Variants in RALY observed in about 807,000 individuals in gnomAD.
The protein encoded by RALY is RALY heterogeneous nuclear ribonucleoprotein.
In RALY, 15 loss-of-function variants were observed where a neutral mutation model predicts 30.7. The observed-to-expected ratio is 0.49, with a 90% confidence interval of 0.33 to 0.75. RALY has a LOEUF of 0.75. Among genes scored for constraint, RALY ranks in the 30% least tolerant of loss-of-function variants. The pLI is 0.02. For missense variants in RALY, 339 were observed against 414.3 expected, an observed-to-expected ratio of 0.82 and a Z score of 1.58; for synonymous variants, 177 against 170.8, an observed-to-expected ratio of 1.04 and a Z score of -0.28.
intron 9 of RALY, 87 bp downstream of exon 9, chr20:34,078,640 C>A: frequency 7.7e-7 from 1 of 1,306,228 alleles, no homozygotes; most frequent in South Asian, 1.8e-5. Flanking sequence ...CAGGAAGTGT[C>A]ACGAAGCATA....
In RALY at chr20:34,072,929, AGTGTGTGTGTGTGT is replaced by A. The variant is rs3835232; in HGVS notation, c.257-616_257-603del. The stretch of plus-strand genomic sequence containing the variant: ...ACACAACCCTTGTATGTATAGATGT[AGTGTGTGTGTGTGT>A]GTGTGTGTGTGTGTGTGAGAGAGAG... On this transcript the variant is annotated intron_variant, in intron 3 of 9. Transcript: ENST00000246194. 2.7e-5 allele frequency among the ~76,000 whole-genome samples: 4 copies of A among 149,116 alleles called. No individual in the cohort carries two copies. In the South Asian group the frequency reaches 6.3e-4, roughly 24 times the overall value.
In RALY at chr20:34,083,919, C is replaced by T. The variant is rs1021223381; in HGVS notation, c.*4014C>T. ...CAAATCAAAATCCCTCCACCAGTAG[C>T]CAGATTCTTCATAATAAACTTCCTC... On this transcript the variant is annotated 3_prime_UTR_variant, in exon 10 of 10. Transcript: ENST00000246194. The T allele has an allele frequency of 6.6e-5, 10 of 152,208 alleles. No individual in the cohort carries two copies. Among genetic ancestry groups the T allele is most frequent in the African/African-American group, 2.4e-4 (10 of 41,452 alleles). 9.4% of individuals were successfully genotyped at this position (152,208 alleles called of 1,614,324 possible).
intron 2 of RALY, among the ~76,000 whole-genome samples, chr20:34,057,666 C>CAAAAAAA: frequency 1.5e-5 from 1 of 67,358 alleles, no homozygotes; most frequent in Non-Finnish European, 2.9e-5. Flanking sequence ...GACTCCGTCT[C>CAAAAAAA]AAAAAAAAAA....
intron 2 of RALY, among the ~76,000 whole-genome samples, chr20:34,035,791 A>G (rs1645596851): frequency 2.0e-5 from 3 of 152,250 alleles, no homozygotes; most frequent in African/African-American, 7.2e-5. Context: ...GAAAGCAGAT[A>G]AATGAATAAA....
chr20:34,012,532 A>G lies in RALY; in HGVS notation c.-93+18401A>G, dbSNP rs1249460747. On this transcript the variant is annotated intron_variant, in intron 1 of 9. Transcript: ENST00000246194. ...TCTTCTGCATCCTCCCCCACCCGCC[A>G]TCCTTTGTTTTTTTCCTCACTGTTG... Among the ~76,000 whole-genome samples, 4 of 151,326 alleles carry G rather than the reference A, an allele frequency of 2.6e-5. No individual in the cohort carries two copies. The East Asian group carries it at 5.8e-4, about 22-fold the overall frequency.
chr20:33,996,949 A>G lies in RALY; in HGVS notation c.-93+2818A>G, dbSNP rs73606207. ...TAGTCTCAGAGTGCATTGTAAATGCAAAATTATTAGTCCTCACCTGCAGCA... is the reference window on the plus strand; with the variant it reads ...TAGTCTCAGAGTGCATTGTAAATGCGAAATTATTAGTCCTCACCTGCAGCA... On this transcript the variant is annotated intron_variant, in intron 1 of 9. Transcript: ENST00000246194. 1.6e-4 allele frequency among the ~76,000 whole-genome samples: 25 copies of G among 152,312 alleles called. No individual in the cohort carries two copies. The East Asian group carries it at 4.8e-3, about 29-fold the overall frequency.
intron 1 of RALY, among the ~76,000 whole-genome samples, chr20:34,015,520 G>C (rs1367375223): frequency 6.6e-6 from 1 of 151,814 alleles, no homozygotes; most frequent in Non-Finnish European, 1.5e-5. Flanking sequence ...ACCTCCCCTT[G>C]TGAAGCTGAG....
intron 1 of RALY, among the ~76,000 whole-genome samples, chr20:34,020,164 G>A (rs1304699484): frequency 6.6e-6 from 1 of 152,132 alleles, no homozygotes; most frequent in Admixed American, 6.5e-5. Context: ...CAGTAAATTA[G>A]ATAGGCATGT....
At chr20:34,053,263 T>A (rs2123182302) in intron 2 of RALY, among the ~76,000 whole-genome samples, 1 of 151,998 alleles carries the variant, frequency 6.6e-6, no homozygotes, top group South Asian at 2.1e-4. Flanking sequence ...CCATGTATCA[T>A]ATGAGGACGT....
chr20:34,079,115 CGTAT>C (rs2033974846), intron 9 of RALY, among the ~76,000 whole-genome samples: 2 of 152,088 alleles, frequency 1.3e-5, no homozygotes, highest in African/African-American at 4.8e-5. Flanking sequence ...TGTGAAGGGC[CGTAT>C]GTGTCAGGCT....
chr20:34,022,395 G>T (rs916899870), intron 1 of RALY, among the ~76,000 whole-genome samples: 2 of 152,106 alleles, frequency 1.3e-5, no homozygotes, highest in African/African-American at 4.8e-5. Flanking sequence ...CAAAGCAGCT[G>T]ATGTTGTGGG....
chr20:34,078,867 A>G (rs889853815), intron 9 of RALY, among the ~76,000 whole-genome samples: 1 of 152,198 alleles, frequency 6.6e-6, no homozygotes, highest in Non-Finnish European at 1.5e-5. Context: ...AGAGGAAGAC[A>G]TAAGCCATTA....
At chr20:34,015,856 C>T (rs536927473) in intron 1 of RALY, among the ~76,000 whole-genome samples, 2 of 152,234 alleles carry the variant, frequency 1.3e-5, no homozygotes, top group Admixed American at 1.3e-4. Flanking sequence ...CACACACACA[C>T]ACACACACAA....
chr20:34,051,255 C>CT (rs1213866989), intron 2 of RALY, among the ~76,000 whole-genome samples: 5 of 152,264 alleles, frequency 3.3e-5, no homozygotes, highest in South Asian at 2.1e-4. Flanking sequence ...GCCCAGGAAG[C>CT]TTTAAAGAGA....
chr20:34,005,551 C>T (rs2031120819), intron 1 of RALY, among the ~76,000 whole-genome samples: 1 of 152,058 alleles, frequency 6.6e-6, no homozygotes, highest in Non-Finnish European at 1.5e-5. Context: ...GTTAACACAG[C>T]CTTGCATATT....
chr20:33,996,897 C>T (rs1486004501), intron 1 of RALY, among the ~76,000 whole-genome samples: 2 of 152,152 alleles, frequency 1.3e-5, no homozygotes, highest in Non-Finnish European at 2.9e-5. Context: ...TTTGTGCCTG[C>T]AAAGCTGGCA....
At position 34,053,383 on chromosome 20, in the gene RALY, A is replaced by ATTTTTT. The variant is rs60912814; in HGVS notation, c.-9-18656_-9-18651dup. On this transcript the variant is annotated intron_variant, in intron 2 of 9. Transcript: ENST00000246194. Reference sequence around the variant, plus strand: ...GCCAACATTTAGTAGATGTTCAATAATTTTTTTTTTTTTTTTTTTTTTTTT... The same window carrying ATTTTTT: ...GCCAACATTTAGTAGATGTTCAATAATTTTTTTTTTTTTTTTTTTTTTTTTTTTTTT... Among the ~76,000 whole-genome samples the ATTTTTT allele has an allele frequency of 4.4e-3, 237 of 54,152 alleles. 39 individuals are homozygous for ATTTTTT. Among genetic ancestry groups the ATTTTTT allele is most frequent in the East Asian group, 0.026 (36 of 1,400 alleles). 35.5% of individuals were successfully genotyped at this position (54,152 alleles called of 152,430 possible). A position where few individuals can be genotyped will look rare whatever the true frequency, so the allele number is the denominator to read the frequency against.
intron 7 of RALY, 103 bp downstream of exon 7, chr20:34,076,918 C>A: frequency 6.3e-7 from 1 of 1,592,794 alleles, no homozygotes. Flanking sequence ...CCTGCAGATC[C>A]TGGACCACCT....
At chr20:33,999,293 G>A (rs958321330) in intron 1 of RALY, among the ~76,000 whole-genome samples, 5 of 152,116 alleles carry the variant, frequency 3.3e-5, no homozygotes, top group African/African-American at 9.7e-5. Context: ...GAAGGAGCAC[G>A]TAAGGGAGGG....
Sources: allele counts gnomAD v4.1 joint callset (sites outside exome capture counted in the v4.1 genomes callset), GRCh38; gene constraint gnomAD v4.1.1; transcripts MANE v1.5; gene names NCBI Gene and HGNC (gene_info 2026-07-23, HGNC 2026-07-21).